ATXN1: variants seen among roughly 807,000 people sequenced by gnomAD.
ATXN1 encodes the protein ataxin 1.
In ATXN1, 8 loss-of-function variants were observed where a neutral mutation model predicts 56.4. That is an observed-to-expected ratio of 0.14 (90% CI 0.08 to 0.26). The LOEUF (loss-of-function observed/expected upper bound fraction) is 0.26, where lower values mean the gene tolerates loss of function less well. Among genes scored for constraint, ATXN1 ranks in the 10% least tolerant of loss-of-function variants. ATXN1 has a pLI of 1.00. For synonymous variants in ATXN1, 514 were observed against 494.6 expected, an observed-to-expected ratio of 1.04 and a Z score of -0.52; for missense variants, 987 against 1,106.5, an observed-to-expected ratio of 0.89 and a Z score of 1.53.
chr6:16,551,214 A>G (rs1485714044), intron 4 of ATXN1, among the ~76,000 whole-genome samples: 1 of 152,228 alleles, frequency 6.6e-6, no homozygotes, highest in African/African-American at 2.4e-5. Flanking sequence ...AGCGCTGTGA[A>G]GGAGGCCAGT....
At chr6:16,341,612 G>A (rs1471264830) in intron 6 of ATXN1, among the ~76,000 whole-genome samples, 10 of 144,466 alleles carry the variant, frequency 6.9e-5, no homozygotes, top group Non-Finnish European at 1.3e-4. Flanking sequence ...TCCACCTCCC[G>A]GGTTCACACC....
chr6:16,467,146 G>A (rs911571890), intron 6 of ATXN1, among the ~76,000 whole-genome samples: 7 of 152,246 alleles, frequency 4.6e-5, no homozygotes, highest in African/African-American at 1.7e-4. Flanking sequence ...CCTGGGCGGG[G>A]AGACAGACCC....
intron 2 of ATXN1, among the ~76,000 whole-genome samples, chr6:16,726,482 A>G (rs756750191): frequency 2.6e-5 from 4 of 152,192 alleles, no homozygotes; most frequent in Admixed American, 6.5e-5. Context: ...CTAAAACACT[A>G]AGGTAGAACT....
chr6:16,529,366 C>CA (rs144410932), intron 4 of ATXN1, among the ~76,000 whole-genome samples: 6,886 of 152,116 alleles, frequency 0.045, 493 homozygotes, highest in African/African-American at 0.15. Context: ...GGCAACGACA[C>CA]AAAATGTAGC....
chr6:16,458,625 T>C (rs1759928369), intron 6 of ATXN1, among the ~76,000 whole-genome samples: 3 of 152,174 alleles, frequency 2.0e-5, no homozygotes. Context: ...GCCTCAGTCA[T>C]GGCCCTCAGA....
intron 6 of ATXN1, among the ~76,000 whole-genome samples, chr6:16,373,491 A>G (rs976485991): frequency 1.5e-4 from 23 of 152,170 alleles, no homozygotes; most frequent in African/African-American, 5.5e-4. Flanking sequence ...TCTGGAAGCC[A>G]TATCTGATCA....
At chr6:16,744,557 T>G (rs1468655879) in intron 2 of ATXN1, among the ~76,000 whole-genome samples, 1 of 151,934 alleles carries the variant, frequency 6.6e-6, no homozygotes, top group Non-Finnish European at 1.5e-5. Flanking sequence ...GGTTGAGAAC[T>G]GGGCAGAGAG....
Position 16,759,532 on chromosome 6 carries a change from T to TTTTG in ATXN1, c.-730+1765_-730+1766insCAAA, listed in dbSNP as rs1371035243. ...TATATAACCAGCTTCTTCCGACTGT[T>TTTTG]TTTTTTTTTTTTTTTTTTTTTTTTT... On this transcript the variant is annotated intron_variant, in intron 1 of 7. Transcript: ENST00000436367. Among the ~76,000 whole-genome samples, 3 of 115,970 alleles carry TTTTG rather than the reference T, an allele frequency of 2.6e-5. No homozygotes were observed. In the East Asian group the frequency reaches 7.1e-4, roughly 27 times the overall value. The allele number at this position is 115,970 out of a possible 152,430, so 76.1% of individuals were successfully genotyped here.
At chr6:16,387,632 G>A (rs1439088307) in intron 6 of ATXN1, among the ~76,000 whole-genome samples, 1 of 152,198 alleles carries the variant, frequency 6.6e-6, no homozygotes, top group Non-Finnish European at 1.5e-5. Flanking sequence ...TGTCATGAGC[G>A]GGAGAGCTCT....
intron 6 of ATXN1, among the ~76,000 whole-genome samples, chr6:16,436,919 C>G (rs1759405961): frequency 6.6e-6 from 1 of 152,130 alleles, no homozygotes; most frequent in Admixed American, 6.5e-5. Context: ...TACTGATGAA[C>G]TCCAGCCAAG....
chr6:16,481,105 C>T (rs1760430337), intron 6 of ATXN1, among the ~76,000 whole-genome samples: 1 of 152,158 alleles, frequency 6.6e-6, no homozygotes, highest in Admixed American at 6.5e-5. Context: ...TGAAGCTATC[C>T]CCAGTGCACT....
intron 6 of ATXN1, among the ~76,000 whole-genome samples, chr6:16,356,328 G>T (rs1761687837): frequency 6.6e-6 from 1 of 152,110 alleles, no homozygotes; most frequent in South Asian, 2.1e-4. Flanking sequence ...ACCTAATTTG[G>T]CCTTAAGTCA....
intron 2 of ATXN1, among the ~76,000 whole-genome samples, chr6:16,714,225 A>C (rs978954812): frequency 1.1e-4 from 15 of 131,560 alleles, no homozygotes; most frequent in Admixed American, 4.5e-4. Flanking sequence ...ACACACACAC[A>C]CCAAAACCTG....
At chr6:16,612,863 C>T (rs1479292902) in intron 3 of ATXN1, among the ~76,000 whole-genome samples, 2 of 147,952 alleles carry the variant, frequency 1.4e-5, no homozygotes, top group South Asian at 4.3e-4. Context: ...TGCACTCCAG[C>T]CTGGTGACAG....
intron 6 of ATXN1, among the ~76,000 whole-genome samples, chr6:16,451,871 G>A (rs759203814): frequency 6.6e-6 from 1 of 152,100 alleles, no homozygotes; most frequent in African/African-American, 2.4e-5. Flanking sequence ...AAAACAAGTT[G>A]TTTAAAAGGT....
chr6:16,452,106 G>C (rs936721272), intron 6 of ATXN1, among the ~76,000 whole-genome samples: 1 of 152,160 alleles, frequency 6.6e-6, no homozygotes, highest in Non-Finnish European at 1.5e-5. Flanking sequence ...GCCTACTATA[G>C]CAAGTAGAAT....
At chr6:16,385,743 T>G (rs1043266948) in intron 6 of ATXN1, among the ~76,000 whole-genome samples, 3 of 150,252 alleles carry the variant, frequency 2.0e-5, no homozygotes, top group Non-Finnish European at 3.0e-5. Context: ...CAAAAATAAC[T>G]TTCTCTATCT....
intron 2 of ATXN1, among the ~76,000 whole-genome samples, chr6:16,677,067 C>T (rs541860427): frequency 2.6e-5 from 4 of 152,152 alleles, no homozygotes; most frequent in East Asian, 1.9e-4. Context: ...GTGGCCACTG[C>T]GAGCAAAGCA....
rs1020305899 is a variant in ATXN1, at chr6:16,415,237, T to C, written c.-161+70735A>G. On this transcript the variant is annotated intron_variant, in intron 6 of 7. Transcript: ENST00000436367. ...AAGTGGTTTTTTTGTTTGTTTGTTT[T>C]TGGTTTTTTTGAGACAGGGTCTCAC... Among the ~76,000 whole-genome samples, 9 of 152,226 alleles carry C rather than the reference T, an allele frequency of 5.9e-5. 1 individual carries two copies. Among genetic ancestry groups the C allele is most frequent in the Admixed American group, 5.2e-4 (8 of 15,288 alleles).
Sources: allele counts gnomAD v4.1 joint callset (sites outside exome capture counted in the v4.1 genomes callset), GRCh38; gene constraint gnomAD v4.1.1; transcripts MANE v1.5; gene names NCBI Gene and HGNC (gene_info 2026-07-23, HGNC 2026-07-21).